Variants in NCKAP5 observed in about 807,000 individuals in gnomAD.
NCKAP5 encodes the protein NCK associated protein 5.
Under a neutral mutation model 167.0 loss-of-function variants are expected in NCKAP5, and 92 were observed. That is an observed-to-expected ratio of 0.55 (90% CI 0.47 to 0.66). NCKAP5 has a LOEUF of 0.66. NCKAP5 is among the 30% of genes least tolerant of loss of function. NCKAP5 has a pLI of 0.00. For synonymous variants in NCKAP5, 891 were observed against 877.4 expected (o/e 1.02, Z -0.27); for missense variants, 2,378 against 2,315.0 (o/e 1.03, Z -0.56).
intron 19 of NCKAP5, chr2:132,714,815 A>G: frequency 2.1e-5 from 6 of 289,532 alleles, no homozygotes; most frequent in South Asian, 1.5e-4. Flanking sequence ...TCCATCTCAA[A>G]AAAAAAAAAA....
chr2:133,075,267 CTA>C (rs1467839316), intron 6 of NCKAP5, among the ~76,000 whole-genome samples: 1 of 152,026 alleles, frequency 6.6e-6, no homozygotes, highest in East Asian at 1.9e-4. Flanking sequence ...TCCAGTAAAA[CTA>C]TCTCTCAGGA....
chr2:132,854,639 C>T (rs1240290629), intron 11 of NCKAP5, among the ~76,000 whole-genome samples: 1 of 152,212 alleles, frequency 6.6e-6, no homozygotes, highest in African/African-American at 2.4e-5. Flanking sequence ...TTCCACTTGC[C>T]CCACGCCTGT....
intron 5 of NCKAP5, among the ~76,000 whole-genome samples, chr2:133,212,794 C>T (rs1320509934): frequency 9.2e-5 from 14 of 152,336 alleles, no homozygotes; most frequent in African/African-American, 2.9e-4. Flanking sequence ...GCCTTCCAGA[C>T]CCCACTCAAC....
rs538157260 is a variant in NCKAP5 at position 133,227,871 on chromosome 2, T to A, written c.144-14092A>T. On this transcript the variant is annotated intron_variant, in intron 4 of 19. Coordinates refer to ENST00000409261, the MANE Select transcript of NCKAP5 (RefSeq NM_207363.3). ...AGGTACAATAAGAAAGGGGAGGTAT[T>A]TATTGAATGCGGTATGGTATTTCAG... Among the ~76,000 whole-genome samples the A allele has an allele frequency of 7.1e-4, 108 of 152,268 alleles. 1 individual carries two copies. The Middle Eastern group carries it at 0.014, about 19-fold the overall frequency.
chr2:132,739,874 C>T (rs141597657), intron 16 of NCKAP5, among the ~76,000 whole-genome samples: 160 of 152,230 alleles, frequency 1.1e-3, no homozygotes, highest in African/African-American at 3.3e-3. Context: ...ATGTTGGAGG[C>T]AGCACCTTAA....
intron 6 of NCKAP5, chr2:133,118,883 A>G (rs1248138989): frequency 6.6e-6 from 1 of 152,156 alleles, no homozygotes; most frequent in African/African-American, 2.4e-5. Context: ...TGGTTTGAAA[A>G]TGAAATGGGA....
At chr2:133,387,818 C>T (rs1406082692) in intron 3 of NCKAP5, among the ~76,000 whole-genome samples, 3 of 152,194 alleles carry the variant, frequency 2.0e-5, no homozygotes, top group Non-Finnish European at 2.9e-5. Context: ...GATATCCTTT[C>T]TTCCAGTTGA....
intron 8 of NCKAP5, among the ~76,000 whole-genome samples, chr2:132,906,466 A>G (rs535177663): frequency 2.0e-5 from 3 of 152,256 alleles, no homozygotes; most frequent in Admixed American, 6.5e-5. Flanking sequence ...TTGCACCCCA[A>G]CCAAAATTTT....
intron 2 of NCKAP5, among the ~76,000 whole-genome samples, chr2:133,548,099 A>G (rs375552749): frequency 0.017 from 2,348 of 136,092 alleles, 27 homozygotes; most frequent in East Asian, 0.063. Flanking sequence ...CTCAGGAGCC[A>G]ATGCGATCAA....
chr2:133,006,625 T>A (rs574282406), intron 6 of NCKAP5, among the ~76,000 whole-genome samples: 13 of 57,412 alleles, frequency 2.3e-4, no homozygotes, highest in South Asian at 2.1e-3. Flanking sequence ...TATTTTATTT[T>A]ATTTTTTTTT....
intron 19 of NCKAP5, among the ~76,000 whole-genome samples, chr2:132,722,866 A>C (rs1001715051): frequency 6.6e-6 from 1 of 151,990 alleles, no homozygotes; most frequent in African/African-American, 2.4e-5. Context: ...CCCAGGCTGT[A>C]CTGCAGTGGT....
intron 5 of NCKAP5, among the ~76,000 whole-genome samples, chr2:133,208,113 C>A (rs560553978): frequency 1.3e-5 from 2 of 152,192 alleles, no homozygotes; most frequent in South Asian, 4.2e-4. Flanking sequence ...CCAAGGCAGG[C>A]AGATCACTTG....
rs533562120 is a variant in NCKAP5, at chr2:133,286,804, C to T, written c.143+16233G>A. Reference sequence around the variant, plus strand: ...TCTTCCTTTGAAGCAGTAAAGACTGCGAAAAAAAACATGAAAAACTGTCTT... The same window carrying T: ...TCTTCCTTTGAAGCAGTAAAGACTGTGAAAAAAAACATGAAAAACTGTCTT... On this transcript the variant is annotated intron_variant, in intron 4 of 19. Transcript: ENST00000409261. Among the ~76,000 whole-genome samples, 17 of 138,690 alleles carry T rather than the reference C, an allele frequency of 1.2e-4. No individual in the cohort carries two copies. The South Asian group carries it at 1.4e-3, about 11-fold the overall frequency. The allele number at this position is 138,690 out of a possible 152,430, so 91.0% of individuals were successfully genotyped here.
chr2:133,406,276 T>C (rs1688421995), intron 3 of NCKAP5, among the ~76,000 whole-genome samples: 1 of 152,232 alleles, frequency 6.6e-6, no homozygotes, highest in Non-Finnish European at 1.5e-5. Context: ...TGATTTGTAC[T>C]AACAGAAAGA....
intron 6 of NCKAP5, among the ~76,000 whole-genome samples, chr2:133,071,306 G>A (rs913347053): frequency 1.3e-5 from 2 of 151,790 alleles, no homozygotes; most frequent in Non-Finnish European, 3.0e-5. Context: ...TTAGCCGGGC[G>A]TAGTGGCGGG....
intron 3 of NCKAP5, among the ~76,000 whole-genome samples, chr2:133,459,784 A>T (rs888874745): frequency 2.6e-5 from 4 of 152,176 alleles, no homozygotes; most frequent in African/African-American, 9.7e-5. Context: ...GGTAATTACA[A>T]ACACGTAATG....
At chr2:132,695,267 G>C (rs1573902187) in intron 19 of NCKAP5, among the ~76,000 whole-genome samples, 4 of 152,038 alleles carry the variant, frequency 2.6e-5, no homozygotes, top group African/African-American at 7.2e-5. Flanking sequence ...GAAGGAAGAA[G>C]TCTTTTCTCT....
At chr2:133,398,282 C>T (rs1167945842) in intron 3 of NCKAP5, among the ~76,000 whole-genome samples, 1 of 152,158 alleles carries the variant, frequency 6.6e-6, no homozygotes, top group Non-Finnish European at 1.5e-5. Context: ...TGTCACACTG[C>T]TATGTGATAA....
chr2:132,959,072 T>C (rs1003639935), intron 8 of NCKAP5, among the ~76,000 whole-genome samples: 3 of 146,266 alleles, frequency 2.1e-5, no homozygotes, highest in Non-Finnish European at 4.5e-5. Flanking sequence ...AATATATTAA[T>C]AATATATTAA....
Sources: allele counts gnomAD v4.1 joint callset (sites outside exome capture counted in the v4.1 genomes callset), GRCh38; gene constraint gnomAD v4.1.1; transcripts MANE v1.5; gene names NCBI Gene and HGNC (gene_info 2026-07-23, HGNC 2026-07-21).